Variants in SLC30A5 observed in about 807,000 individuals in gnomAD.
SLC30A5 encodes the protein solute carrier family 30 member 5.
SLC30A5 carries 33 observed loss-of-function variants against 79.6 expected under a neutral mutation model. The observed-to-expected ratio is 0.41, with a 90% CI of 0.31 to 0.55. The LOEUF (loss-of-function observed/expected upper bound fraction) is 0.55, where lower values mean the gene tolerates loss of function less well. Ranked by LOEUF, SLC30A5 falls within the 20% of genes least tolerant of loss-of-function variation. The probability of loss-of-function intolerance (pLI) is 0.20; values close to 1 mark genes in which losing one functional copy is unlikely to be tolerated. For missense variants in SLC30A5, 788 were observed against 928.1 expected (o/e 0.85, Z 1.96); for synonymous variants, 299 against 319.7 (o/e 0.94, Z 0.69).
chr5:69,115,282 T>A lies in SLC30A5; in HGVS notation c.658T>A (p.Phe220Ile). 6.2e-7 allele frequency: 1 copy of A among 1,614,084 alleles called. No individual in the cohort carries two copies. The highest frequency in any genetic ancestry group is 2.2e-5 in the East Asian group (1 of 44,884). The change falls in exon 8 of 16, where the codon TTT becomes ATT. Residue 220 changes from phenylalanine (F) to isoleucine (I), a missense_variant. Physicochemically the swap from Phe to Ile is conservative, Grantham distance 21. This residue lies in a region of SLC30A5 where 626 missense variants were observed against 755.5 expected (regional missense o/e 0.83). Coordinates refer to ENST00000396591, the MANE Select transcript of SLC30A5 (RefSeq NM_022902.5). ...ACTGGCTTTGTGTTGTAAAGTTGGT[T>A]TTCATACAGCTTCCAGAAAGCTCTC... ...LVLALCCKVGFHTASRKLSVD... is the reference protein window; with the variant it reads ...LVLALCCKVGIHTASRKLSVD...
chr5:69,099,464 C>T (rs1310536244), intron 1 of SLC30A5, among the ~76,000 whole-genome samples: 1 of 152,026 alleles, frequency 6.6e-6, no homozygotes, highest in Admixed American at 6.6e-5. Context: ...TTTAAGTGAC[C>T]TCGCCAGAGG....
intron 12 of SLC30A5, 37 bp downstream of exon 12, chr5:69,118,665 A>C: frequency 1.3e-6 from 2 of 1,514,590 alleles, no homozygotes; most frequent in Non-Finnish European, 1.8e-6. Context: ...ATTTCTAGTC[A>C]TACTTACATA....
chr5:69,112,898 C>T (rs1746269961), intron 5 of SLC30A5, among the ~76,000 whole-genome samples: 2 of 152,116 alleles, frequency 1.3e-5, no homozygotes, highest in South Asian at 4.1e-4. Context: ...AGTAATATGC[C>T]CAGCCATGTT....
At chr5:69,115,535 G>T in intron 8 of SLC30A5, 128 bp downstream of exon 8, 3 of 758,110 alleles carry the variant, frequency 4.0e-6, no homozygotes, top group Non-Finnish European at 3.9e-6. Flanking sequence ...AATTGTCTTT[G>T]CTTTTTCTTT....
intron 14 of SLC30A5, among the ~76,000 whole-genome samples, chr5:69,123,982 G>T (rs576038303): frequency 1.3e-5 from 2 of 151,604 alleles, no homozygotes; most frequent in Non-Finnish European, 2.9e-5. Context: ...GCGTGGTGGC[G>T]GGCACCTGTA....
Position 69,116,138 on chromosome 5 carries a change from C to A in SLC30A5, c.996C>A (p.Asn332Lys), listed in dbSNP as rs140369068. 6.2e-7 allele frequency: 1 copy of A among 1,614,144 alleles called. No individual in the cohort carries two copies. Among genetic ancestry groups the A allele is most frequent in the African/African-American group, 1.3e-5 (1 of 75,040 alleles). The change falls in exon 9 of 16, where the codon AAC becomes AAA. Residue 332 changes from asparagine to lysine, a missense_variant. Physicochemically the swap from Asn to Lys is moderately conservative, Grantham distance 94. This residue lies in a region of SLC30A5 where 626 missense variants were observed against 755.5 expected (regional missense o/e 0.83). Coordinates refer to ENST00000396591, the MANE Select transcript of SLC30A5 (RefSeq NM_022902.5). The surrounding 1 kb of genome is among the most constrained non-coding windows in gnomAD (Gnocchi z 4.0). ...HPITDQLRAM[N>K]KAAHQESTEH... ...TAACAGACCAGCTTCGGGCTATGAA[C>A]AAAGCAGCACACCAGGAGAGCACTG... is the stretch of plus-strand genomic sequence containing the variant.
At chr5:69,113,323 T>C (rs889287946) in intron 6 of SLC30A5, 96 bp downstream of exon 6, 2 of 819,058 alleles carry the variant, frequency 2.4e-6, no homozygotes, top group South Asian at 1.8e-5. Flanking sequence ...ATTAAACTGA[T>C]CAATGATGAA....
At chr5:69,123,886 GT>G (rs1301307590) in intron 14 of SLC30A5, among the ~76,000 whole-genome samples, 1 of 152,078 alleles carries the variant, frequency 6.6e-6, no homozygotes, top group Non-Finnish European at 1.5e-5. Flanking sequence ...GCAGAATTAA[GT>G]GACAAAACTA....
intron 5 of SLC30A5, among the ~76,000 whole-genome samples, chr5:69,110,012 T>C (rs958125216): frequency 6.6e-6 from 1 of 152,188 alleles, no homozygotes; most frequent in African/African-American, 2.4e-5. Flanking sequence ...ACACGCTTTG[T>C]GGGTAAATAA....
At chr5:69,105,138 A>T (rs16898499) in intron 4 of SLC30A5, among the ~76,000 whole-genome samples, 42,053 of 152,040 alleles carry the variant, frequency 0.28, 6,038 homozygotes, top group Middle Eastern at 0.33. Context: ...TCATAAATAA[A>T]TGTCTCAGAA....
At chr5:69,099,294 TTTA>T (rs1429356185) in intron 1 of SLC30A5, among the ~76,000 whole-genome samples, 2 of 152,232 alleles carry the variant, frequency 1.3e-5, no homozygotes. Flanking sequence ...TCCTGTGTAA[TTTA>T]TTATTCTCTC....
chr5:69,114,759 G>A (rs968704791), intron 7 of SLC30A5, among the ~76,000 whole-genome samples: 5 of 152,154 alleles, frequency 3.3e-5, no homozygotes, highest in African/African-American at 1.2e-4. Flanking sequence ...CAGCTCCTCT[G>A]GAGGCTGAGG....
At chr5:69,120,859 T>C (rs1450951013) in intron 12 of SLC30A5, among the ~76,000 whole-genome samples, 1 of 152,240 alleles carries the variant, frequency 6.6e-6, no homozygotes, top group Non-Finnish European at 1.5e-5. Context: ...ATTGTAGATG[T>C]AGGCAAATTA....
Position 69,102,050 on chromosome 5 carries a change from C to CTTT in SLC30A5, c.207-991_207-989dup, listed in dbSNP as rs758327246. ...GGAAATATTAAGCACCAGTGACGTG[C>CTTT]TTTTTTTTTTTTTTTTTTTTTTTGA... On this transcript the variant is annotated intron_variant, in intron 2 of 15. Transcript: ENST00000396591. Among the ~76,000 whole-genome samples the CTTT allele has an allele frequency of 1.9e-3, 191 of 99,392 alleles. 1 individual carries two copies. Among genetic ancestry groups the CTTT allele is most frequent in the Non-Finnish European group, 2.3e-3 (122 of 52,692 alleles). 65.2% of individuals were successfully genotyped at this position (99,392 alleles called of 152,430 possible). A position where few individuals can be genotyped will look rare whatever the true frequency, so the allele number is the denominator to read the frequency against.
At chr5:69,099,449 G>A (rs1365307235) in intron 1 of SLC30A5, among the ~76,000 whole-genome samples, 1 of 152,188 alleles carries the variant, frequency 6.6e-6, no homozygotes, top group African/African-American at 2.4e-5. Context: ...GTCTACTTCA[G>A]GAAATTTAAG....
intron 12 of SLC30A5, among the ~76,000 whole-genome samples, chr5:69,119,046 CCACCTTGG>C (rs960738284): frequency 9.9e-5 from 15 of 152,042 alleles, no homozygotes; most frequent in African/African-American, 3.4e-4. Context: ...AGCAATCCTC[CCACCTTGG>C]CATCCCAAAG....
At chr5:69,111,176 T>C (rs576406439) in intron 5 of SLC30A5, among the ~76,000 whole-genome samples, 44 of 152,060 alleles carry the variant, frequency 2.9e-4, no homozygotes, top group Middle Eastern at 3.4e-3. Flanking sequence ...GTATTTTTAG[T>C]AGAGACAAGG....
intron 5 of SLC30A5, among the ~76,000 whole-genome samples, chr5:69,108,849 G>A (rs924930798): frequency 1.1e-4 from 16 of 151,558 alleles, no homozygotes; most frequent in Non-Finnish European, 1.3e-4. Context: ...AAAATTCCAG[G>A]GGCTTTTTCC....
In SLC30A5 at chr5:69,115,262, C is replaced by A; in HGVS notation, c.638C>A (p.Ala213Asp). 1 of 1,604,104 alleles carries A rather than the reference C, an allele frequency of 6.2e-7. No individual in the cohort carries two copies. The highest frequency in any genetic ancestry group is 8.5e-7 in the Non-Finnish European group (1 of 1,174,232). Reference protein sequence around the residue: ...HKGGVLLLVLALCCKVGFHTA... With the variant: ...HKGGVLLLVLDLCCKVGFHTA... ...GGTGGAGTATTATTGCTAGTACTGGCTTTGTGTTGTAAAGTTGGTTTTCAT... is the reference window on the plus strand; with the variant it reads ...GGTGGAGTATTATTGCTAGTACTGGATTTGTGTTGTAAAGTTGGTTTTCAT... The change falls in exon 8 of 16, where the codon GCT becomes GAT. Residue 213 changes from alanine (A) to aspartate (D), a missense_variant. Physicochemically the swap from Ala to Asp is moderately radical, Grantham distance 126 (BLOSUM62 -2). Around this residue, in one of 3 missense-constraint regions of SLC30A5, gnomAD observed 626 missense variants for 755.5 expected, o/e 0.83. Coordinates refer to ENST00000396591, the MANE Select transcript of SLC30A5 (RefSeq NM_022902.5).
Sources: allele counts gnomAD v4.1 joint callset (sites outside exome capture counted in the v4.1 genomes callset), GRCh38; gene constraint gnomAD v4.1.1; regional missense constraint gnomAD v4.1.1; non-coding constraint Gnocchi (gnomAD v3.1); transcripts MANE v1.5; gene names NCBI Gene and HGNC (gene_info 2026-07-23, HGNC 2026-07-21).